POLR2F: variants seen among roughly 807,000 people sequenced by gnomAD.
The protein encoded by POLR2F is DNA-directed RNA polymerases I, II, and III subunit RPABC2.
Under a neutral mutation model 22.7 loss-of-function variants are expected in POLR2F, and 12 were observed. The observed-to-expected ratio is 0.53, with a 90% CI of 0.34 to 0.86. POLR2F has a LOEUF of 0.86. POLR2F is among the 40% of genes least tolerant of loss of function. The pLI is 0.02. For synonymous variants in POLR2F, 57 were observed against 66.0 expected, an observed-to-expected ratio of 0.86 and a Z score of 0.66; for missense variants, 126 against 171.5, an observed-to-expected ratio of 0.73 and a Z score of 1.48.
At chr22:38,004,124 G>T (rs1266041181) in intron 1 of POLR2F, among the ~76,000 whole-genome samples, 1 of 152,108 alleles carries the variant, frequency 6.6e-6, no homozygotes, top group Non-Finnish European at 1.5e-5. Context: ...GAGTAGCTTG[G>T]ACTACAGGAA....
At chr22:38,009,274 G>A (rs766202055) in intron 1 of POLR2F, among the ~76,000 whole-genome samples, 5 of 152,206 alleles carry the variant, frequency 3.3e-5, no homozygotes, top group Non-Finnish European at 7.3e-5. Context: ...GCAGAGATGT[G>A]CCCTGATCTC....
At chr22:37,955,432 G>C (rs57988148) in intron 1 of POLR2F, among the ~76,000 whole-genome samples, 1 of 151,618 alleles carries the variant, frequency 6.6e-6, no homozygotes, top group Non-Finnish European at 1.5e-5. Context: ...CCAGCTACTC[G>C]GGAGGCTGAG....
At chr22:38,013,895 G>A (rs889844073) in intron 1 of POLR2F, among the ~76,000 whole-genome samples, 1 of 152,118 alleles carries the variant, frequency 6.6e-6, no homozygotes, top group African/African-American at 2.4e-5. Context: ...GGCTGAGGCG[G>A]GCGGATCACC....
rs1047337787 is a variant in POLR2F, at chr22:37,974,493, C to T, written c.293+7323C>T. On this transcript the variant is annotated intron_variant, in intron 4 of 4. Transcript: ENST00000405557. This position sits in a 1 kb window ranked among gnomAD's most constrained non-coding sequence, Gnocchi z 5.4. ...TCAGCCTCCTGAGTAGCTGGAATTA[C>T]AAGCGCCCACCACAATGCCCAGCTA... Among the ~76,000 whole-genome samples the T allele has an allele frequency of 6.6e-6, 1 of 151,964 alleles. No individual in the cohort carries two copies. The highest frequency in any genetic ancestry group is 2.4e-5 in the African/African-American group (1 of 41,330).
At chr22:38,015,731 A>C (rs910073650) in intron 1 of POLR2F, among the ~76,000 whole-genome samples, 14 of 152,136 alleles carry the variant, frequency 9.2e-5, no homozygotes, top group South Asian at 2.1e-4. Flanking sequence ...GATAGCAACA[A>C]CACCACCACC....
intron 1 of POLR2F, 174 bp downstream of exon 1, chr22:37,953,981 G>A (rs1931244096): frequency 2.8e-6 from 2 of 716,496 alleles, no homozygotes; most frequent in Non-Finnish European, 2.3e-6. Flanking sequence ...GCACAGCCCC[G>A]GCTGGAGGCA....
intron 5 of POLR2F, chr22:38,032,378 G>C (rs866387604): frequency 6.6e-6 from 1 of 152,372 alleles, no homozygotes; most frequent in South Asian, 2.1e-4. Flanking sequence ...GAGCTCTGGA[G>C]TTCCACTGTT....
chr22:38,015,115 G>T (rs888181920), intron 1 of POLR2F, among the ~76,000 whole-genome samples: 4 of 152,140 alleles, frequency 2.6e-5, no homozygotes, highest in Non-Finnish European at 2.9e-5. Flanking sequence ...CTCTGGCTAG[G>T]ACTTCTAATA....
downstream of POLR2F, chr22:37,969,426 G>T: frequency 1.6e-6 from 1 of 611,340 alleles, no homozygotes; most frequent in Non-Finnish European, 2.0e-6. Context: ...GTGCACACTT[G>T]GAACCTTTGG....
intron 1 of POLR2F, among the ~76,000 whole-genome samples, chr22:38,022,306 C>T (rs929245439): frequency 1.3e-5 from 2 of 151,548 alleles, no homozygotes; most frequent in African/African-American, 4.9e-5. Context: ...AATCCCAGAA[C>T]TTTGGGAGGC....
chr22:37,988,501 A>T (rs1161420389), intron 1 of POLR2F, among the ~76,000 whole-genome samples: 1 of 149,504 alleles, frequency 6.7e-6, no homozygotes, highest in Non-Finnish European at 1.5e-5. Context: ...AAATACAAAA[A>T]TTAACTGGGC....
upstream of POLR2F, chr22:37,985,140 C>A (rs1311926154): frequency 6.6e-6 from 1 of 152,244 alleles, no homozygotes; most frequent in Admixed American, 6.5e-5. Context: ...ACCCCTGGTC[C>A]CTTCTCTGCA....
chr22:38,031,079 G>A (rs150705813), downstream of POLR2F, among the ~76,000 whole-genome samples: 23 of 152,174 alleles, frequency 1.5e-4, no homozygotes, highest in Middle Eastern at 3.4e-3. This position sits in a 1 kb window ranked among gnomAD's most constrained non-coding sequence, Gnocchi z 4.1. Context: ...GGCAAGTGTC[G>A]GTGTCGCCCC....
downstream of POLR2F, among the ~76,000 whole-genome samples, chr22:38,029,020 A>G (rs1314814070): frequency 1.3e-5 from 2 of 152,108 alleles, no homozygotes; most frequent in East Asian, 3.9e-4. Flanking sequence ...GTTTCAGAGG[A>G]GTCCACAGTC....
chr22:37,975,339 C>T (rs541099061), intron 4 of POLR2F, among the ~76,000 whole-genome samples: 14 of 152,248 alleles, frequency 9.2e-5, no homozygotes, highest in African/African-American at 2.6e-4. Flanking sequence ...GGAGTCCACC[C>T]GCTGCCTCAG....
At chr22:37,983,309 C>CCACCCGAAGCT (rs1447992704), upstream of POLR2F, 1 of 1,564,714 alleles carries the variant, frequency 6.4e-7, no homozygotes, top group African/African-American at 1.4e-5. This position sits in a 1 kb window ranked among gnomAD's most constrained non-coding sequence, Gnocchi z 9.5. Context: ...TACCCTGAAT[C>CCACCCGAAGCT]CACCCGAAGC....
chr22:38,038,819 G>C (rs1230187317), intron 5 of POLR2F, among the ~76,000 whole-genome samples: 1 of 143,968 alleles, frequency 6.9e-6, no homozygotes. Flanking sequence ...CCGGGGCTGC[G>C]CGCTGACCGT....
At chr22:37,977,054 G>A (rs911841206) in intron 4 of POLR2F, among the ~76,000 whole-genome samples, 2 of 151,610 alleles carry the variant, frequency 1.3e-5, no homozygotes, top group African/African-American at 2.4e-5. Context: ...TGTAGTCCCA[G>A]CTACTTGGGA....
chr22:37,977,825 GACT>G, intron 4 of POLR2F: 6 of 1,584,404 alleles, frequency 3.8e-6, no homozygotes, highest in Non-Finnish European at 5.2e-6. Context: ...TGTCTCCACT[GACT>G]GGCCTTGCCC....
Sources: allele counts gnomAD v4.1 joint callset (sites outside exome capture counted in the v4.1 genomes callset), GRCh38; gene constraint gnomAD v4.1.1; non-coding constraint Gnocchi (gnomAD v3.1); transcripts MANE v1.5; gene names NCBI Gene and HGNC (gene_info 2026-07-23, HGNC 2026-07-21).